Variants in MBNL2 observed in about 807,000 individuals in gnomAD.
The protein encoded by MBNL2 is muscleblind-like protein 2.
MBNL2 carries 17 observed loss-of-function variants against 41.9 expected under a neutral mutation model. The observed-to-expected ratio is 0.41, with a 90% CI of 0.28 to 0.61. The LOEUF (loss-of-function observed/expected upper bound fraction) is 0.61. Ranked by LOEUF, MBNL2 falls within the 20% of genes least tolerant of loss-of-function variation. The pLI is 0.35. For synonymous variants in MBNL2, 195 were observed against 182.9 expected (o/e 1.07, Z -0.53); for missense variants, 336 against 505.6 (o/e 0.66, Z 3.22).
intron 2 of MBNL2, among the ~76,000 whole-genome samples, chr13:97,313,026 A>G (rs976549306): frequency 2.0e-5 from 3 of 152,210 alleles, no homozygotes; most frequent in African/African-American, 4.8e-5. Flanking sequence ...TGGGGTAGCA[A>G]TCGTCTACAG....
At chr13:97,315,663 T>C (rs1029849607) in intron 2 of MBNL2, among the ~76,000 whole-genome samples, 28 of 152,106 alleles carry the variant, frequency 1.8e-4, no homozygotes, top group African/African-American at 6.8e-4. Context: ...TTGAGCAAAC[T>C]CATAGACGAG....
intron 2 of MBNL2, among the ~76,000 whole-genome samples, chr13:97,289,382 A>G (rs2055351602): frequency 6.6e-6 from 1 of 152,216 alleles, no homozygotes; most frequent in Non-Finnish European, 1.5e-5. Flanking sequence ...CTAGGCATTG[A>G]CCCAGATGCT....
intron 8 of MBNL2, among the ~76,000 whole-genome samples, chr13:97,381,152 G>A (rs989898730): frequency 6.6e-6 from 1 of 151,254 alleles, no homozygotes; most frequent in Non-Finnish European, 1.5e-5. Flanking sequence ...CACAGGCAAA[G>A]AACTAAAAAG....
At chr13:97,158,300 G>T in the MBNL2 span, among the ~76,000 whole-genome samples, 5 of 150,184 alleles carry the variant, frequency 3.3e-5, no homozygotes, top group Non-Finnish European at 7.4e-5. Flanking sequence ...TTCTTTATTA[G>T]TCTTGCTAGC....
At chr13:97,149,336 C>T in the MBNL2 span, among the ~76,000 whole-genome samples, 4 of 152,150 alleles carry the variant, frequency 2.6e-5, no homozygotes, top group African/African-American at 4.8e-5. Flanking sequence ...TCGTACACTG[C>T]GCATGCTTAG....
chr13:97,290,682 CAA>C (rs144219795), intron 2 of MBNL2, among the ~76,000 whole-genome samples: 56,581 of 114,558 alleles, frequency 0.49, 12,552 homozygotes, highest in Non-Finnish European at 0.58. Context: ...GACTCCGTCT[CAA>C]AAAAAAAAAA....
At chr13:97,262,618 C>T (rs992731956) in intron 1 of MBNL2, among the ~76,000 whole-genome samples, 7 of 152,174 alleles carry the variant, frequency 4.6e-5, no homozygotes, top group African/African-American at 9.7e-5. Flanking sequence ...TTTTAGCAGT[C>T]ATTTCCATGG....
At chr13:97,292,526 C>G (rs1173166651) in intron 2 of MBNL2, among the ~76,000 whole-genome samples, 1 of 152,154 alleles carries the variant, frequency 6.6e-6, no homozygotes, top group Non-Finnish European at 1.5e-5. Context: ...TTTTCTTTGC[C>G]ATTTTAAACA....
chr13:97,178,722 C>A, the MBNL2 span, among the ~76,000 whole-genome samples: 1 of 151,978 alleles, frequency 6.6e-6, no homozygotes, highest in East Asian at 1.9e-4. Flanking sequence ...ATGGTGAGAC[C>A]CTGTCTCTAC....
the MBNL2 span, among the ~76,000 whole-genome samples, chr13:97,156,175 T>G: frequency 8.9e-6 from 1 of 111,880 alleles, no homozygotes; most frequent in African/African-American, 3.6e-5. Context: ...TCATGTGTTT[T>G]TTGGCTGCAT....
chr13:97,329,826 AACACAC>A lies in MBNL2; in HGVS notation c.175-4433_175-4428del, dbSNP rs60899519. On this transcript the variant is annotated intron_variant, in intron 2 of 8. Coordinates refer to ENST00000679496, the MANE Select transcript of MBNL2 (RefSeq NM_001382683.1). ...ATACAACATACATGCATACACATGC[AACACAC>A]ACACACACACACACACTTTGACCAC... 4.7e-5 allele frequency among the ~76,000 whole-genome samples: 7 copies of A among 149,628 alleles called. No individual in the cohort carries two copies. In the East Asian group the frequency reaches 9.9e-4, roughly 21 times the overall value.
chr13:97,332,072 C>A (rs2060480785), intron 2 of MBNL2, among the ~76,000 whole-genome samples: 1 of 152,182 alleles, frequency 6.6e-6, no homozygotes, highest in Non-Finnish European at 1.5e-5. Context: ...GAAATGTGGA[C>A]ATTTCATTAA....
chr13:97,238,251 A>G (rs1186096406), intron 1 of MBNL2, among the ~76,000 whole-genome samples: 1 of 152,224 alleles, frequency 6.6e-6, no homozygotes, highest in African/African-American at 2.4e-5. Flanking sequence ...AACAAGTGCA[A>G]TCTAGAAAAT....
chr13:97,317,456 G>C (rs1176470227), intron 2 of MBNL2, among the ~76,000 whole-genome samples: 3 of 152,186 alleles, frequency 2.0e-5, no homozygotes, highest in Non-Finnish European at 2.9e-5. Flanking sequence ...CCACCCTACT[G>C]TTCCTAGGGA....
the MBNL2 span, among the ~76,000 whole-genome samples, chr13:97,150,079 G>A: frequency 6.6e-6 from 1 of 152,160 alleles, no homozygotes; most frequent in Non-Finnish European, 1.5e-5. Context: ...TGCCAATCTC[G>A]TAACTAAAAA....
chr13:97,332,960 A>C (rs2060552733), intron 2 of MBNL2, among the ~76,000 whole-genome samples: 1 of 152,224 alleles, frequency 6.6e-6, no homozygotes, highest in African/African-American at 2.4e-5. Context: ...CACAGGGCCC[A>C]TGTCTGCCCT....
At chr13:97,359,133 T>C (rs957880637) in intron 7 of MBNL2, among the ~76,000 whole-genome samples, 5 of 152,212 alleles carry the variant, frequency 3.3e-5, no homozygotes, top group Non-Finnish European at 7.3e-5. Context: ...TGTTACAGCA[T>C]AGCAGTGTCT....
chr13:97,156,017 T>C, the MBNL2 span, among the ~76,000 whole-genome samples: 2 of 113,546 alleles, frequency 1.8e-5, no homozygotes, highest in African/African-American at 7.1e-5. Context: ...CCACCAACAG[T>C]GTAAAAGTGT....
At chr13:97,155,865 A>G in the MBNL2 span, among the ~76,000 whole-genome samples, 3 of 146,264 alleles carry the variant, frequency 2.1e-5, no homozygotes, top group Middle Eastern at 3.6e-3. Flanking sequence ...ATACGTGTGC[A>G]TGTGTCTTTA....
Sources: allele counts gnomAD v4.1 joint callset (sites outside exome capture counted in the v4.1 genomes callset), GRCh38; gene constraint gnomAD v4.1.1; transcripts MANE v1.5; gene names NCBI Gene and HGNC (gene_info 2026-07-23, HGNC 2026-07-21).